Variants in SPAG16 observed in about 807,000 individuals in gnomAD.
The protein encoded by SPAG16 is sperm-associated antigen 16 protein.
In SPAG16, 86 loss-of-function variants were observed where a neutral mutation model predicts 80.4. That is an observed-to-expected ratio of 1.07 (90% CI 0.90 to 1.28). The LOEUF (loss-of-function observed/expected upper bound fraction) is 1.28. SPAG16 is among the 50% of genes most tolerant of loss of function. SPAG16 has a pLI of 0.00. For missense variants in SPAG16, 870 were observed against 765.3 expected, an observed-to-expected ratio of 1.14 and a Z score of -1.61; for synonymous variants, 294 against 265.9, an observed-to-expected ratio of 1.11 and a Z score of -1.03.
At chr2:213,436,428 T>C (rs997136015) in intron 9 of SPAG16, among the ~76,000 whole-genome samples, 3 of 152,008 alleles carry the variant, frequency 2.0e-5, no homozygotes, top group Admixed American at 6.5e-5. Flanking sequence ...TGTAGACTTA[T>C]GATAGCATGT....
chr2:213,807,335 C>CT (rs78823659), intron 10 of SPAG16, among the ~76,000 whole-genome samples: 9 of 149,338 alleles, frequency 6.0e-5, no homozygotes, highest in East Asian at 2.0e-4. Flanking sequence ...CACTTGTTTT[C>CT]TTTTTTTTTT....
intron 15 of SPAG16, among the ~76,000 whole-genome samples, chr2:214,170,824 C>T (rs1025515181): frequency 7.9e-5 from 12 of 152,006 alleles, no homozygotes; most frequent in Non-Finnish European, 1.3e-4. Context: ...TCTACCTGTG[C>T]CAACTCTAAC....
intron 10 of SPAG16, among the ~76,000 whole-genome samples, chr2:213,507,860 T>C (rs1036247335): frequency 2.0e-5 from 3 of 152,218 alleles, no homozygotes; most frequent in African/African-American, 7.2e-5. Context: ...CACTCTCTAT[T>C]ATCCCTTCAT....
intron 12 of SPAG16, among the ~76,000 whole-genome samples, chr2:213,976,834 T>G (rs2106399910): frequency 1.3e-5 from 2 of 152,200 alleles, no homozygotes; most frequent in Middle Eastern, 6.8e-3. Flanking sequence ...TTTGTTTGTT[T>G]GTTTGTTTGT....
rs62196796 is a variant in SPAG16, at chr2:214,280,758, G to A, written c.1721-129382G>A. The A allele has an allele frequency of 2.4e-3, 1,005 of 426,298 alleles. 1 individual carries two copies. The highest frequency in any genetic ancestry group is 3.9e-3 in the Non-Finnish European group (867 of 222,386). 26.4% of individuals were successfully genotyped at this position (426,298 alleles called of 1,614,324 possible). A position where few individuals can be genotyped will look rare whatever the true frequency, so the allele number is the denominator to read the frequency against. ...ATCTCTTTTAACTTATTTCCTGGGCGTCTTCTCATAGACTAGATTCTCTCA... is the reference window on the plus strand; with the variant it reads ...ATCTCTTTTAACTTATTTCCTGGGCATCTTCTCATAGACTAGATTCTCTCA... On this transcript the variant is annotated intron_variant, in intron 15 of 15. Transcript: ENST00000331683.
intron 10 of SPAG16, among the ~76,000 whole-genome samples, chr2:213,728,876 CAA>C (rs58070679): frequency 3.4e-5 from 2 of 58,462 alleles, no homozygotes; most frequent in African/African-American, 8.3e-5. Context: ...GACTCCGTCT[CAA>C]AAAAAAAAAA....
intron 10 of SPAG16, among the ~76,000 whole-genome samples, chr2:213,713,386 G>A (rs1470924989): frequency 6.6e-6 from 1 of 152,152 alleles, no homozygotes; most frequent in Non-Finnish European, 1.5e-5. Context: ...CTGCTGAAGG[G>A]ATGTAGTAAC....
intron 10 of SPAG16, among the ~76,000 whole-genome samples, chr2:213,761,758 C>T (rs990885550): frequency 4.0e-5 from 6 of 151,838 alleles, no homozygotes; most frequent in African/African-American, 1.5e-4. Flanking sequence ...CCCAGTTACT[C>T]AGGAGGCTGA....
chr2:214,356,936 A>T (rs961992795), intron 15 of SPAG16, among the ~76,000 whole-genome samples: 4 of 152,006 alleles, frequency 2.6e-5, no homozygotes, highest in Non-Finnish European at 4.4e-5. Context: ...CAGTCCATTC[A>T]TCCCAAGTAA....
intron 13 of SPAG16, among the ~76,000 whole-genome samples, chr2:214,099,439 G>A (rs1489697077): frequency 6.6e-6 from 1 of 152,018 alleles, no homozygotes; most frequent in Non-Finnish European, 1.5e-5. Context: ...TTAGTAAAGT[G>A]TTTATACGAA....
At chr2:213,573,179 T>C (rs566949225) in intron 10 of SPAG16, among the ~76,000 whole-genome samples, 1 of 152,014 alleles carries the variant, frequency 6.6e-6, no homozygotes, top group Admixed American at 6.5e-5. Context: ...CAGATGGAAA[T>C]GCAGAAATCA....
intron 14 of SPAG16, among the ~76,000 whole-genome samples, chr2:214,122,297 T>C (rs924211783): frequency 6.6e-6 from 1 of 151,856 alleles, no homozygotes; most frequent in East Asian, 1.9e-4. Flanking sequence ...GTTTCTTTTA[T>C]ATCTGGATAT....
At chr2:214,292,846 G>A (rs1693893807) in intron 15 of SPAG16, among the ~76,000 whole-genome samples, 1 of 152,104 alleles carries the variant, frequency 6.6e-6, no homozygotes, top group African/African-American at 2.4e-5. Context: ...TTGTTGGTTG[G>A]GTAGAGAACT....
intron 10 of SPAG16, among the ~76,000 whole-genome samples, chr2:213,827,595 G>A (rs2073379623): frequency 1.3e-5 from 2 of 152,036 alleles, no homozygotes; most frequent in African/African-American, 4.8e-5. Context: ...GTGTTTTCCT[G>A]ATTCTTTACT....
chr2:213,702,907 C>A (rs564905529), intron 10 of SPAG16, among the ~76,000 whole-genome samples: 2 of 152,186 alleles, frequency 1.3e-5, no homozygotes, highest in African/African-American at 2.4e-5. Flanking sequence ...AGGTGGGCTT[C>A]TCTTTGGGTT....
chr2:213,659,742 AT>A (rs566281769), intron 10 of SPAG16, among the ~76,000 whole-genome samples: 9 of 151,830 alleles, frequency 5.9e-5, no homozygotes, highest in East Asian at 1.9e-4. Context: ...TTAAGTCAGT[AT>A]TTTTTTTCCA....
chr2:213,966,739 A>G (rs1422695332), intron 12 of SPAG16, among the ~76,000 whole-genome samples: 1 of 152,106 alleles, frequency 6.6e-6, no homozygotes, highest in East Asian at 1.9e-4. Flanking sequence ...GTTTAAACAA[A>G]TTTTACTAAT....
At chr2:214,050,353 A>G (rs1022794001) in intron 13 of SPAG16, among the ~76,000 whole-genome samples, 1 of 152,004 alleles carries the variant, frequency 6.6e-6, no homozygotes, top group African/African-American at 2.4e-5. Context: ...TTTAACAAGC[A>G]TCCTGAGTCA....
intron 10 of SPAG16, among the ~76,000 whole-genome samples, chr2:213,858,405 T>G (rs2075270988): frequency 6.6e-6 from 1 of 152,184 alleles, no homozygotes; most frequent in Non-Finnish European, 1.5e-5. Flanking sequence ...AGCAGAAAGA[T>G]TATGACTGGA....
Sources: gnomAD v4.1 joint callset for allele counts (sites outside exome capture counted in the v4.1 genomes callset) on GRCh38, gnomAD v4.1.1 for gene constraint, MANE v1.5 for transcripts, NCBI Gene and HGNC (gene_info 2026-07-23, HGNC 2026-07-21) for gene names.